TMPRSS9: variants seen among roughly 807,000 people sequenced by gnomAD.
The protein encoded by TMPRSS9 is transmembrane protease serine 9.
TMPRSS9 carries 113 observed loss-of-function variants against 111.4 expected under a neutral mutation model. That is an observed-to-expected ratio of 1.01 (90% CI 0.87 to 1.19). The LOEUF (loss-of-function observed/expected upper bound fraction) is 1.19. Ranked by LOEUF, TMPRSS9 falls within the 50% of genes most tolerant of loss-of-function variation. TMPRSS9 has a pLI of 0.00. For missense variants in TMPRSS9, 1,803 were observed against 1,513.1 expected (o/e 1.19, Z -3.18); for synonymous variants, 805 against 659.1 (o/e 1.22, Z -3.39).
intron 1 of TMPRSS9, among the ~76,000 whole-genome samples, chr19:2,366,856 CAAAAAAAA>C (rs769704683): frequency 6.5e-5 from 4 of 61,342 alleles, no homozygotes; most frequent in Admixed American, 1.9e-4. Flanking sequence ...GACTCCATTT[CAAAAAAAA>C]AAAAAAAAAA....
At chr19:2,392,887 A>C (rs1390146850) in intron 1 of TMPRSS9, among the ~76,000 whole-genome samples, 4 of 152,216 alleles carry the variant, frequency 2.6e-5, no homozygotes, top group Non-Finnish European at 5.9e-5. Flanking sequence ...CAAATGCACC[A>C]ATCGCACCAA....
chr19:2,394,568 A>T (rs1599289664), intron 1 of TMPRSS9, among the ~76,000 whole-genome samples: 1 of 143,746 alleles, frequency 7.0e-6, no homozygotes, highest in East Asian at 2.1e-4. Context: ...AGGCGGGGCA[A>T]TTCAGTCCGC....
intron 1 of TMPRSS9, among the ~76,000 whole-genome samples, chr19:2,383,989 C>A (rs150116239): frequency 1.5e-3 from 230 of 152,184 alleles, no homozygotes; most frequent in Non-Finnish European, 2.6e-3. Flanking sequence ...AAGCTCCATG[C>A]GGTGTTCTGT....
At chr19:2,408,046 T>C (rs78531433) in intron 7 of TMPRSS9, among the ~76,000 whole-genome samples, 14,056 of 151,842 alleles carry the variant, frequency 0.093, 944 homozygotes, top group East Asian at 0.26. Flanking sequence ...CCTCCCAAAG[T>C]GCTGGGATTA....
chr19:2,420,755 G>T (rs1036691431), intron 13 of TMPRSS9, among the ~76,000 whole-genome samples: 1 of 152,038 alleles, frequency 6.6e-6, no homozygotes, highest in South Asian at 2.1e-4. Context: ...TTGTGAGATC[G>T]GTGTCTTGCA....
chr19:2,384,906 C>T (rs1199943145), upstream of TMPRSS9, among the ~76,000 whole-genome samples: 1 of 148,844 alleles, frequency 6.7e-6, no homozygotes, highest in Non-Finnish European at 1.5e-5. Context: ...TGCTTGAACC[C>T]GGGAGGCAGA....
At chr19:2,424,284 C>G (rs765933022) in intron 15 of TMPRSS9, 27 bp downstream of exon 16, 1 of 1,331,840 alleles carries the variant, frequency 7.5e-7, no homozygotes, top group Non-Finnish European at 9.7e-7. Flanking sequence ...CCAAATGCCC[C>G]TACATGTCTC....
At chr19:2,393,206 C>T (rs373584160) in intron 1 of TMPRSS9, among the ~76,000 whole-genome samples, 17 of 152,174 alleles carry the variant, frequency 1.1e-4, no homozygotes, top group African/African-American at 3.1e-4. Flanking sequence ...TAATTCTCTG[C>T]GAGAAATCTT....
chr19:2,389,392 T>G (rs1255486996), upstream of TMPRSS9, among the ~76,000 whole-genome samples: 1 of 134,496 alleles, frequency 7.4e-6, no homozygotes, highest in African/African-American at 3.1e-5. Context: ...TTTTTTTTTT[T>G]GGAGTCTCGC....
At chr19:2,378,995 C>T (rs1244841516) in intron 1 of TMPRSS9, among the ~76,000 whole-genome samples, 2 of 151,964 alleles carry the variant, frequency 1.3e-5, no homozygotes, top group African/African-American at 4.8e-5. Context: ...CCTAGTCCCT[C>T]CCATGACACA....
chr19:2,407,447 A>G (rs1970990127), intron 7 of TMPRSS9, among the ~76,000 whole-genome samples: 1 of 151,540 alleles, frequency 6.6e-6, no homozygotes, highest in Non-Finnish European at 1.5e-5. Flanking sequence ...GGATCACTTG[A>G]ACCCGGGAGG....
intron 6 of TMPRSS9, among the ~76,000 whole-genome samples, chr19:2,405,142 C>T (rs1224734140): frequency 1.3e-5 from 2 of 152,088 alleles, no homozygotes; most frequent in African/African-American, 4.8e-5. Flanking sequence ...CTGCCACTCA[C>T]TGGTGCACGT....
chr19:2,396,579 C>A (rs757158621), exon 2 of TMPRSS9: 2 of 1,611,168 alleles, frequency 1.2e-6, no homozygotes, highest in Non-Finnish European at 8.5e-7. Context: ...ACCACACGGC[C>A]GAGCTGCGGG....
At chr19:2,408,251 G>A in intron 7 of TMPRSS9, 105 bp from the exon 9 acceptor site, 2 of 1,097,600 alleles carry the variant, frequency 1.8e-6, no homozygotes, top group Non-Finnish European at 2.6e-6. Context: ...AAATATTAAT[G>A]TGGGGGGATA....
At chr19:2,398,721 C>T (rs1038487008) in intron 2 of TMPRSS9, 74 bp from the exon 4 acceptor site, 11 of 1,102,766 alleles carry the variant, frequency 1.0e-5, no homozygotes, top group Non-Finnish European at 1.3e-5. Context: ...CCCTCCAACA[C>T]CTGACAGGCC....
intron 15 of TMPRSS9, among the ~76,000 whole-genome samples, chr19:2,424,486 C>T (rs1218788048): frequency 6.7e-6 from 1 of 149,974 alleles, no homozygotes; most frequent in Admixed American, 6.6e-5. Context: ...GCTGGGGCTG[C>T]GAAGGCCGAG....
chr19:2,388,141 C>T (rs1221717394), upstream of TMPRSS9, among the ~76,000 whole-genome samples: 3 of 152,170 alleles, frequency 2.0e-5, no homozygotes, highest in Non-Finnish European at 4.4e-5. Context: ...CCGGTAATCC[C>T]AGCACTTTGG....
At chr19:2,424,908 C>A in intron 15 of TMPRSS9, 94 bp from the exon 17 acceptor site, 4 of 1,348,352 alleles carry the variant, frequency 3.0e-6, no homozygotes, top group South Asian at 1.7e-5. Flanking sequence ...AATAACCCTG[C>A]CCAGGGTGCC....
chr19:2,421,099 G>A (rs920805906), intron 13 of TMPRSS9, among the ~76,000 whole-genome samples: 40 of 151,386 alleles, frequency 2.6e-4, no homozygotes, highest in Non-Finnish European at 1.0e-4. Flanking sequence ...CCAGCTACTC[G>A]GGAGGCTGAG....
Sources: gnomAD v4.1 joint callset for allele counts (sites outside exome capture counted in the v4.1 genomes callset) on GRCh38, gnomAD v4.1.1 for gene constraint, MANE v1.5 for transcripts, NCBI Gene and HGNC (gene_info 2026-07-23, HGNC 2026-07-21) for gene names.